KAZN: variants seen among roughly 807,000 people sequenced by gnomAD.
The protein encoded by KAZN is kazrin, periplakin interacting protein, also known as kazrin.
Under a neutral mutation model 87.4 loss-of-function variants are expected in KAZN, and 40 were observed. The ratio of observed to expected loss-of-function variants is 0.46; its 90% CI spans 0.36 to 0.60. KAZN has a LOEUF of 0.60. KAZN is among the 20% of genes least tolerant of loss of function. KAZN has a pLI of 0.00. For missense variants in KAZN, 898 were observed against 1,073.9 expected (o/e 0.84, Z 2.29); for synonymous variants, 466 against 458.3 (o/e 1.02, Z -0.22).
intron 2 of KAZN, among the ~76,000 whole-genome samples, chr1:14,416,716 G>A (rs539093086): frequency 6.6e-6 from 1 of 151,906 alleles, no homozygotes; most frequent in East Asian, 1.9e-4. Flanking sequence ...CAGCCTGGGT[G>A]ACAGAACAAG....
chr1:14,538,585 G>A (rs74911075), intron 2 of KAZN, among the ~76,000 whole-genome samples: 1 of 152,114 alleles, frequency 6.6e-6, no homozygotes, highest in Non-Finnish European at 1.5e-5. Flanking sequence ...CCAACCATAA[G>A]GGAGGAGCCC....
At chr1:14,821,493 G>A (rs1334695450) in intron 1 of KAZN, among the ~76,000 whole-genome samples, 1 of 151,550 alleles carries the variant, frequency 6.6e-6, no homozygotes, top group Admixed American at 6.6e-5. Context: ...CTCCAGCCAG[G>A]GTGACTGAGA....
intron 1 of KAZN, among the ~76,000 whole-genome samples, chr1:13,942,368 G>A (rs1019780985): frequency 6.8e-5 from 10 of 146,164 alleles, no homozygotes; most frequent in South Asian, 4.4e-4. Context: ...GTGAAACCCC[G>A]TCTCTACTAA....
intron 13 of KAZN, chr1:15,111,742 CAA>C (rs1641631072): frequency 6.6e-6 from 1 of 152,396 alleles, no homozygotes; most frequent in African/African-American, 2.4e-5. Context: ...TGATCTCTGT[CAA>C]AAGTCTACAA....
chr1:14,899,016 C>A (rs1035619949), intron 1 of KAZN, among the ~76,000 whole-genome samples: 4 of 152,148 alleles, frequency 2.6e-5, no homozygotes, highest in Non-Finnish European at 5.9e-5. Context: ...TCAGGAGATG[C>A]AGGTTCTAGT....
At chr1:14,693,064 C>G (rs529274398) in intron 1 of KAZN, among the ~76,000 whole-genome samples, 9 of 152,290 alleles carry the variant, frequency 5.9e-5, no homozygotes, top group Admixed American at 3.9e-4. Context: ...CGACCCTAAG[C>G]AACTACCCTT....
chr1:14,958,472 C>T (rs1663430716), intron 1 of KAZN, among the ~76,000 whole-genome samples: 1 of 151,834 alleles, frequency 6.6e-6, no homozygotes, highest in African/African-American at 2.4e-5. Context: ...ATACATGGAG[C>T]ACTTCCTGTG....
At chr1:14,994,719 T>G (rs1483815694) in intron 2 of KAZN, among the ~76,000 whole-genome samples, 1 of 152,242 alleles carries the variant, frequency 6.6e-6, no homozygotes, top group Non-Finnish European at 1.5e-5. Flanking sequence ...GTTCAAATCC[T>G]GACTTTGGTG....
intron 2 of KAZN, among the ~76,000 whole-genome samples, chr1:14,244,073 A>G (rs979052932): frequency 3.3e-5 from 5 of 152,234 alleles, no homozygotes; most frequent in Non-Finnish European, 5.9e-5. Context: ...ACAGAGAAAA[A>G]TTATCATTAA....
chr1:14,088,070 T>G (rs1643894276), intron 1 of KAZN, among the ~76,000 whole-genome samples: 1 of 151,198 alleles, frequency 6.6e-6, no homozygotes, highest in Admixed American at 6.6e-5. Context: ...AGTGATCACC[T>G]AGGCCTGACG....
intron 8 of KAZN, among the ~76,000 whole-genome samples, chr1:15,093,601 C>T (rs1022104015): frequency 2.6e-5 from 4 of 152,140 alleles, no homozygotes; most frequent in African/African-American, 7.2e-5. Context: ...TGCAGGAAAT[C>T]GACATTTTTA....
intron 1 of KAZN, among the ~76,000 whole-genome samples, chr1:14,626,007 A>G (rs111893045): frequency 0.024 from 3,713 of 152,326 alleles, 91 homozygotes; most frequent in South Asian, 0.09. Flanking sequence ...ATTTATATCT[A>G]GAAGCTCTTC....
intron 1 of KAZN, among the ~76,000 whole-genome samples, chr1:14,092,582 CATATATGTACAT>C (rs1207754614): frequency 2.0e-5 from 3 of 147,918 alleles, no homozygotes; most frequent in Admixed American, 6.7e-5. Context: ...TATGTATGTA[CATATATGTACAT>C]ATACACACAT....
intron 1 of KAZN, among the ~76,000 whole-genome samples, chr1:14,666,206 G>T (rs190185835): frequency 6.6e-6 from 1 of 151,944 alleles, no homozygotes; most frequent in Non-Finnish European, 1.5e-5. Flanking sequence ...AGAAGATCTC[G>T]TGTGTGGTTA....
At chr1:14,875,097 T>C (rs1047102245) in intron 1 of KAZN, among the ~76,000 whole-genome samples, 2 of 151,904 alleles carry the variant, frequency 1.3e-5, no homozygotes, top group Non-Finnish European at 2.9e-5. Flanking sequence ...TTTGGGAGGC[T>C]GAGGCAAGCA....
At chr1:13,954,610 AGTGCC>A (rs78649899) in intron 1 of KAZN, among the ~76,000 whole-genome samples, 24,791 of 152,078 alleles carry the variant, frequency 0.16, 2,033 homozygotes, top group African/African-American at 0.19. Context: ...TCAAAAAAGC[AGTGCC>A]GTGCCATGTA....
intron 1 of KAZN, among the ~76,000 whole-genome samples, chr1:14,902,537 A>AT (rs373838479): frequency 6.6e-6 from 1 of 151,998 alleles, no homozygotes; most frequent in Non-Finnish European, 1.5e-5. Context: ...CAGAACTGCA[A>AT]TTTTTTTAAA....
chr1:15,111,324 A>G (rs1054808943), intron 13 of KAZN, among the ~76,000 whole-genome samples: 2 of 151,990 alleles, frequency 1.3e-5, no homozygotes, highest in African/African-American at 4.8e-5. Context: ...GCTGGAGTGC[A>G]GTGGTACGAT....
At chr1:14,825,817 A>G (rs1487735105) in intron 1 of KAZN, among the ~76,000 whole-genome samples, 3 of 152,178 alleles carry the variant, frequency 2.0e-5, no homozygotes, top group Admixed American at 6.5e-5. Context: ...CCATGTGTCC[A>G]CTGCAAGGCC....
Sources: gnomAD v4.1 joint callset for allele counts (sites outside exome capture counted in the v4.1 genomes callset) on GRCh38, gnomAD v4.1.1 for gene constraint, MANE v1.5 for transcripts, NCBI Gene and HGNC (gene_info 2026-07-23, HGNC 2026-07-21) for gene names.